The following NSUN7 variants were observed in gnomAD, a reference collection of about 807,000 sequenced individuals.
NSUN7 encodes the protein protein NSUN7.
In NSUN7, 39 loss-of-function variants were observed where a neutral mutation model predicts 58.5. The observed-to-expected ratio is 0.67, with a 90% CI of 0.52 to 0.87. NSUN7 has a LOEUF of 0.87. NSUN7 is among the 40% of genes least tolerant of loss of function. The pLI is 0.00. For missense variants in NSUN7, 765 were observed against 844.1 expected (o/e 0.91, Z 1.16); for synonymous variants, 278 against 303.7 (o/e 0.92, Z 0.88).
At position 40,809,070 on chromosome 4, in the gene NSUN7, T is replaced by A. The variant is rs1270357894; in HGVS notation, c.*131T>A. 3.1e-6 allele frequency: 3 copies of A among 961,148 alleles called. No individual in the cohort carries two copies. The highest frequency in any genetic ancestry group is 4.4e-6 in the Non-Finnish European group (3 of 675,246). 59.5% of individuals were successfully genotyped at this position (961,148 alleles called of 1,614,324 possible). The stretch of plus-strand genomic sequence containing the variant: ...TCACCTAGGGATCTTCTAAGTGTGA[T>A]ATTACTTTCAGAGAATTCAGACAAG... On this transcript the variant is annotated 3_prime_UTR_variant, in exon 12 of 12. Transcript: ENST00000381782.
At chr4:40,760,616 A>G in intron 3 of NSUN7, 124 bp downstream of exon 3, 2 of 697,418 alleles carry the variant, frequency 2.9e-6, no homozygotes, top group Non-Finnish European at 2.3e-6. Flanking sequence ...TAATCCCAGC[A>G]CTTTGGGAGG....
At chr4:40,795,078 G>A (rs538068569) in intron 9 of NSUN7, among the ~76,000 whole-genome samples, 5 of 152,218 alleles carry the variant, frequency 3.3e-5, no homozygotes, top group African/African-American at 4.8e-5. Context: ...TATTAATTCC[G>A]TATATATTTA....
chr4:40,794,529 T>C (rs918810974), intron 9 of NSUN7, 53 bp downstream of exon 9: 1 of 1,076,952 alleles, frequency 9.3e-7, no homozygotes, highest in Admixed American at 1.9e-5. Flanking sequence ...ATTTTAGAAA[T>C]ATTAGTCTTT....
rs1013582682 is a variant in NSUN7, at chr4:40,749,974, G to C, written c.-418G>C. 3.3e-5 allele frequency: 5 copies of C among 152,188 alleles called. No individual in the cohort carries two copies. The highest frequency in any genetic ancestry group is 9.7e-5 in the African/African-American group (4 of 41,436). 9.4% of individuals were successfully genotyped at this position (152,188 alleles called of 1,614,324 possible). ...GGGAGCAGTCGACTGCCGGAGACTCGGGAGGCTGAGCTTTCCTCGGCCTGA... is the reference window on the plus strand; with the variant it reads ...GGGAGCAGTCGACTGCCGGAGACTCCGGAGGCTGAGCTTTCCTCGGCCTGA... On this transcript the variant is annotated 5_prime_UTR_variant, in exon 1 of 12. Coordinates refer to ENST00000381782, the MANE Select transcript of NSUN7 (RefSeq NM_024677.6).
In NSUN7 at chr4:40,810,090, T is replaced by C. The variant is rs1211042945; in HGVS notation, c.*1151T>C. On this transcript the variant is annotated 3_prime_UTR_variant, in exon 12 of 12. Coordinates refer to ENST00000381782, the MANE Select transcript of NSUN7 (RefSeq NM_024677.6). ...TGTATAGAAATGTTACATAAATTCC[T>C]AAATGCTCAATTCAGGTGGCATGAT... 1 of 152,248 alleles carries C rather than the reference T, an allele frequency of 6.6e-6. No individual in the cohort carries two copies. Among genetic ancestry groups the C allele is most frequent in the Non-Finnish European group, 1.5e-5 (1 of 68,042 alleles). The allele number at this position is 152,248 out of a possible 1,614,324, so 9.4% of individuals were successfully genotyped here.
At chr4:40,767,303 A>T (rs1318947388) in intron 4 of NSUN7, among the ~76,000 whole-genome samples, 1 of 152,212 alleles carries the variant, frequency 6.6e-6, no homozygotes, top group East Asian at 1.9e-4. Flanking sequence ...CGCCAGTTTC[A>T]AAGAACGTCT....
Position 40,775,786 on chromosome 4 carries a change from T to C in NSUN7, c.826-263T>C, listed in dbSNP as rs1178760585. On this transcript the variant is annotated intron_variant, in intron 6 of 11. Coordinates refer to ENST00000381782, the MANE Select transcript of NSUN7 (RefSeq NM_024677.6). The surrounding 1 kb of genome is among the most constrained non-coding windows in gnomAD (Gnocchi z 4.3). ...TAGGACATCATTAATCTGTTGACCATATTTTAGAGATTCTGGCATTGCTTT... is the reference window on the plus strand; with the variant it reads ...TAGGACATCATTAATCTGTTGACCACATTTTAGAGATTCTGGCATTGCTTT... Among the ~76,000 whole-genome samples, 1 of 152,228 alleles carries C rather than the reference T, an allele frequency of 6.6e-6. No individual in the cohort carries two copies. Among genetic ancestry groups the C allele is most frequent in the Non-Finnish European group, 1.5e-5 (1 of 68,034 alleles).
At position 40,776,841 on chromosome 4, in the gene NSUN7, C is replaced by T. The variant is rs141114690; in HGVS notation, c.1036+582C>T. Among the ~76,000 whole-genome samples the T allele has an allele frequency of 3.9e-5, 6 of 152,320 alleles. No homozygotes were observed. The East Asian group carries it at 1.2e-3, about 29-fold the overall frequency. On this transcript the variant is annotated intron_variant, in intron 7 of 11. Transcript: ENST00000381782. ...GTGTTGCTCAAGCTAATCTCAAACTCCTGGGCTCAAGTGATCCACCTGCCT... is the reference window on the plus strand; with the variant it reads ...GTGTTGCTCAAGCTAATCTCAAACTTCTGGGCTCAAGTGATCCACCTGCCT...
At chr4:40,770,925 C>A (rs1473616627) in intron 4 of NSUN7, among the ~76,000 whole-genome samples, 1 of 152,042 alleles carries the variant, frequency 6.6e-6, no homozygotes, top group Non-Finnish European at 1.5e-5. Flanking sequence ...GTGGTGTGCA[C>A]CTGTAGTCCC....
intron 3 of NSUN7, 51 bp from the exon 4 acceptor site, chr4:40,761,120 T>C (rs747634285): frequency 7.9e-6 from 11 of 1,387,592 alleles, no homozygotes; most frequent in East Asian, 7.4e-5. Flanking sequence ...AAAATATTGC[T>C]GGTTAGATAT....
intron 10 of NSUN7, among the ~76,000 whole-genome samples, chr4:40,804,979 G>A (rs1243677608): frequency 6.6e-6 from 1 of 152,044 alleles, no homozygotes; most frequent in African/African-American, 2.4e-5. Flanking sequence ...GATAGTGGGT[G>A]TACTTTTGGG....
At chr4:40,794,931 T>C (rs1457110532) in intron 9 of NSUN7, among the ~76,000 whole-genome samples, 1 of 152,208 alleles carries the variant, frequency 6.6e-6, no homozygotes, top group Non-Finnish European at 1.5e-5. Flanking sequence ...ATCTCTTGAT[T>C]TGAAGTTTGA....
Position 40,794,466 on chromosome 4 carries a change from T to C in NSUN7, c.1272T>C (p.His424=), listed in dbSNP as rs944477635. The C allele has an allele frequency of 1.9e-6, 3 of 1,601,038 alleles. No individual in the cohort carries two copies. The highest frequency in any genetic ancestry group is 2.2e-5 in the East Asian group (1 of 44,666). ...AACAGCAGTATGAACAGCTAACACA[T>C]GCAATGAAATGTAAGGTTGTCATAG... ...LAQQQYEQLT[H]AMKFTKAQAV... is the part of the protein sequence containing the mutation. The change falls in exon 9 of 12, where the codon CAT becomes CAC. Residue 424 remains histidine (H), a synonymous_variant. Transcript: ENST00000381782.
chr4:40,786,195 G>T lies in NSUN7; in HGVS notation c.1037-4407G>T. ...CCTTCCACATTGTTATTCTGGGTTT[G>T]GACTGTGCTGGAAAGACAACTGTCT... On this transcript the variant is annotated intron_variant, in intron 7 of 11. Coordinates refer to ENST00000381782, the MANE Select transcript of NSUN7 (RefSeq NM_024677.6). 2.5e-6 allele frequency: 4 copies of T among 1,613,910 alleles called. No individual in the cohort carries two copies. The South Asian group carries it at 3.3e-5, about 13-fold the overall frequency.
In NSUN7 at chr4:40,810,081, A is replaced by G. The variant is rs1038541670; in HGVS notation, c.*1142A>G. On this transcript the variant is annotated 3_prime_UTR_variant, in exon 12 of 12. Coordinates refer to ENST00000381782, the MANE Select transcript of NSUN7 (RefSeq NM_024677.6). ...CAATTCAGTTGTATAGAAATGTTAC[A>G]TAAATTCCTAAATGCTCAATTCAGG... The G allele has an allele frequency of 2.6e-5, 4 of 152,240 alleles. No homozygotes were observed. In the East Asian group the frequency reaches 7.7e-4, roughly 29 times the overall value. 9.4% of individuals were successfully genotyped at this position (152,240 alleles called of 1,614,324 possible).
intron 9 of NSUN7, 24 bp downstream of exon 9, chr4:40,794,500 T>G: frequency 1.5e-6 from 2 of 1,370,842 alleles, no homozygotes; most frequent in Non-Finnish European, 2.1e-6. Flanking sequence ...AGGCACCATC[T>G]TGTTAAAATA....
At chr4:40,797,859 G>A (rs1025351064) in intron 9 of NSUN7, among the ~76,000 whole-genome samples, 2 of 152,108 alleles carry the variant, frequency 1.3e-5, no homozygotes, top group Non-Finnish European at 2.9e-5. Flanking sequence ...TTCTGACTTC[G>A]ACTTACTACT....
In NSUN7 at chr4:40,788,626, G is replaced by A. The variant is rs570103145; in HGVS notation, c.1037-1976G>A. Reference sequence around the variant, plus strand: ...GGGTGCCGAGAGACTTTGTAAGACTGGAAGAGGAAGAAGAAAGGACTTTTC... The same window carrying A: ...GGGTGCCGAGAGACTTTGTAAGACTAGAAGAGGAAGAAGAAAGGACTTTTC... On this transcript the variant is annotated intron_variant, in intron 7 of 11. Coordinates refer to ENST00000381782, the MANE Select transcript of NSUN7 (RefSeq NM_024677.6). Among the ~76,000 whole-genome samples, 36 of 152,290 alleles carry A rather than the reference G, an allele frequency of 2.4e-4. No homozygotes were observed. In the South Asian group the frequency reaches 7.5e-3, roughly 32 times the overall value.
rs543809261 is a variant in NSUN7, at chr4:40,810,665, C to A, written c.*1726C>A. Reference sequence around the variant, plus strand: ...AACCAGGCTTATTGTATTTTAAATCCCTGAAGAAGAATTCTTCATGTTATC... The same window carrying A: ...AACCAGGCTTATTGTATTTTAAATCACTGAAGAAGAATTCTTCATGTTATC... On this transcript the variant is annotated 3_prime_UTR_variant, in exon 12 of 12. Coordinates refer to ENST00000381782, the MANE Select transcript of NSUN7 (RefSeq NM_024677.6). 4 of 151,146 alleles carry A rather than the reference C, an allele frequency of 2.6e-5. No homozygotes were observed. In the South Asian group the frequency reaches 8.4e-4, roughly 32 times the overall value. 9.4% of individuals were successfully genotyped at this position (151,146 alleles called of 1,614,324 possible).
Sources: allele counts gnomAD v4.1 joint callset (sites outside exome capture counted in the v4.1 genomes callset), GRCh38; gene constraint gnomAD v4.1.1; non-coding constraint Gnocchi (gnomAD v3.1); transcripts MANE v1.5; gene names NCBI Gene and HGNC (gene_info 2026-07-23, HGNC 2026-07-21).